KCNMB4: variants seen among roughly 807,000 people sequenced by gnomAD.
KCNMB4 encodes calcium-activated potassium channel subunit beta-4.
In KCNMB4, 3 loss-of-function variants were observed where a neutral mutation model predicts 20.7. That is an observed-to-expected ratio of 0.14 (90% CI 0.07 to 0.37). The LOEUF is 0.37. KCNMB4 is among the 10% of genes least tolerant of loss of function. KCNMB4 has a pLI of 1.00. For missense variants in KCNMB4, 168 were observed against 265.9 expected (o/e 0.63, Z 2.56); for synonymous variants, 110 against 113.4 (o/e 0.97, Z 0.19).
At chr12:70,411,880 G>A (rs1868788588) in intron 2 of KCNMB4, among the ~76,000 whole-genome samples, 3 of 152,196 alleles carry the variant, frequency 2.0e-5, no homozygotes, top group African/African-American at 7.2e-5. Context: ...TAAGGGCAGT[G>A]GAGGAGTGAC....
chr12:70,396,586 G>A (rs813712), intron 1 of KCNMB4, among the ~76,000 whole-genome samples: 25,483 of 152,160 alleles, frequency 0.17, 3,836 homozygotes, highest in African/African-American at 0.41. Context: ...AATTACAGGC[G>A]TGAGCCATGG....
intron 1 of KCNMB4, among the ~76,000 whole-genome samples, chr12:70,398,874 G>T (rs866105255): frequency 2.6e-5 from 4 of 152,278 alleles, no homozygotes; most frequent in African/African-American, 9.6e-5. Flanking sequence ...GATATCACGT[G>T]GCGTGAGTCC....
chr12:70,367,926 G>C (rs1883524650), intron 1 of KCNMB4, among the ~76,000 whole-genome samples: 1 of 151,514 alleles, frequency 6.6e-6, no homozygotes, highest in Non-Finnish European at 1.5e-5. Flanking sequence ...AGAGCAGAGA[G>C]AGGAAGTCTC....
intron 1 of KCNMB4, among the ~76,000 whole-genome samples, chr12:70,370,631 G>A (rs79827252): frequency 0.019 from 2,914 of 151,466 alleles, 87 homozygotes; most frequent in African/African-American, 0.066. Context: ...TTAGGGAGTC[G>A]GTATAAAAGG....
intron 2 of KCNMB4, among the ~76,000 whole-genome samples, chr12:70,404,812 A>G (rs893017487): frequency 1.3e-5 from 2 of 152,256 alleles, no homozygotes; most frequent in Admixed American, 6.5e-5. Context: ...TGAAAGAGTT[A>G]GAAACACAGA....
At position 70,432,030 on chromosome 12, in the gene KCNMB4, C is replaced by CT. The variant is rs376288820; in HGVS notation, c.*1395dup. 0.15 allele frequency: 19,107 copies of CT among 127,910 alleles called. 1,513 individuals carry two copies. The highest frequency in any genetic ancestry group is 0.24 in the South Asian group (936 of 3,886). The allele number at this position is 127,910 out of a possible 1,614,324, so 7.9% of individuals were successfully genotyped here. On this transcript the variant is annotated 3_prime_UTR_variant, in exon 3 of 3. Transcript: ENST00000258111. ...TCCACATACCAATGTTTTCTTTTTT[C>CT]TTTTTTTTTTTTTTTTTTGAGATGG... is the stretch of plus-strand genomic sequence containing the variant.
At chr12:70,369,605 A>G (rs1054677770) in intron 1 of KCNMB4, among the ~76,000 whole-genome samples, 1 of 152,224 alleles carries the variant, frequency 6.6e-6, no homozygotes, top group African/African-American at 2.4e-5. Context: ...CTTAGAAAAA[A>G]TAGAATAAGG....
chr12:70,417,096 TA>T (rs2136138696), intron 2 of KCNMB4, among the ~76,000 whole-genome samples: 1 of 152,144 alleles, frequency 6.6e-6, no homozygotes, highest in South Asian at 2.1e-4. Flanking sequence ...GAAAAGAAAA[TA>T]AATTGTGGTG....
chr12:70,370,998 G>A (rs868031137), intron 1 of KCNMB4, among the ~76,000 whole-genome samples: 6 of 152,082 alleles, frequency 3.9e-5, no homozygotes, highest in Middle Eastern at 3.4e-3. Context: ...CTGGGCTTAC[G>A]GGCATGTGCT....
intron 1 of KCNMB4, among the ~76,000 whole-genome samples, chr12:70,380,013 G>A (rs1883756417): frequency 6.6e-6 from 1 of 152,142 alleles, no homozygotes; most frequent in African/African-American, 2.4e-5. Context: ...TCACAACTTG[G>A]CTGTTTGGCA....
chr12:70,381,204 C>A (rs1883780001), intron 1 of KCNMB4, among the ~76,000 whole-genome samples: 1 of 151,996 alleles, frequency 6.6e-6, no homozygotes, highest in South Asian at 2.1e-4. Context: ...TGAAATACCA[C>A]TTCAGATCCA....
chr12:70,395,657 T>C lies in KCNMB4; in HGVS notation c.337-4552T>C, dbSNP rs1365217757. Among the ~76,000 whole-genome samples, 12 of 152,340 alleles carry C rather than the reference T, an allele frequency of 7.9e-5. No homozygotes were observed. The East Asian group carries it at 1.5e-3, about 20-fold the overall frequency. On this transcript the variant is annotated intron_variant, in intron 1 of 2. Coordinates refer to ENST00000258111, the MANE Select transcript of KCNMB4 (RefSeq NM_014505.6). ...TTAATAAACTCATTGGAAGACTTTATGTTATTCTTGTCAGGATAGCCCACT... is the reference window on the plus strand; with the variant it reads ...TTAATAAACTCATTGGAAGACTTTACGTTATTCTTGTCAGGATAGCCCACT...
intron 2 of KCNMB4, among the ~76,000 whole-genome samples, chr12:70,427,252 T>C (rs1477843356): frequency 6.6e-6 from 1 of 152,120 alleles, no homozygotes; most frequent in Non-Finnish European, 1.5e-5. Context: ...CCTGATAAAA[T>C]TGGAGGAAAC....
chr12:70,409,805 C>CA (rs1457050172), intron 2 of KCNMB4, among the ~76,000 whole-genome samples: 1 of 151,974 alleles, frequency 6.6e-6, no homozygotes, highest in Admixed American at 6.6e-5. Context: ...TGTTCTGCAG[C>CA]AAAAAAGAGC....
intron 1 of KCNMB4, among the ~76,000 whole-genome samples, chr12:70,380,815 A>G (rs1025030876): frequency 6.6e-6 from 1 of 152,226 alleles, no homozygotes; most frequent in African/African-American, 2.4e-5. Context: ...AAAATAATGG[A>G]TGGGAGACCT....
chr12:70,419,476 C>G (rs1013709806), intron 2 of KCNMB4, among the ~76,000 whole-genome samples: 10 of 152,060 alleles, frequency 6.6e-5, no homozygotes, highest in African/African-American at 2.4e-4. Flanking sequence ...ATCAAAACAA[C>G]AAGAAGAACT....
At chr12:70,392,982 A>C (rs532016587) in intron 1 of KCNMB4, among the ~76,000 whole-genome samples, 5,435 of 152,272 alleles carry the variant, frequency 0.036, 173 homozygotes, top group African/African-American at 0.088. Flanking sequence ...ATAATAAAAA[A>C]ATAATAAAAT....
chr12:70,416,274 G>T (rs1190003234), intron 2 of KCNMB4, among the ~76,000 whole-genome samples: 2 of 152,140 alleles, frequency 1.3e-5, no homozygotes, highest in Non-Finnish European at 2.9e-5. Flanking sequence ...TGAAGGAGGG[G>T]CACCTATCTG....
At chr12:70,419,130 C>G (rs368776836) in intron 2 of KCNMB4, among the ~76,000 whole-genome samples, 7 of 152,106 alleles carry the variant, frequency 4.6e-5, no homozygotes, top group African/African-American at 9.7e-5. Context: ...CAGCAAGCAC[C>G]TTTTGATGTT....
Sources: allele counts gnomAD v4.1 joint callset (sites outside exome capture counted in the v4.1 genomes callset), GRCh38; gene constraint gnomAD v4.1.1; transcripts MANE v1.5; gene names NCBI Gene and HGNC (gene_info 2026-07-23, HGNC 2026-07-21).